Variants in FHIT observed in about 807,000 individuals in gnomAD.
FHIT encodes the protein fragile histidine triad diadenosine triphosphatase, also known as bis(5'-adenosyl)-triphosphatase.
FHIT carries 19 observed loss-of-function variants against 17.9 expected under a neutral mutation model. That is an observed-to-expected ratio of 1.06 (90% CI 0.74 to 1.56). The LOEUF is 1.56. FHIT is among the 40% of genes most tolerant of loss of function. The pLI, the probability that FHIT is intolerant of heterozygous loss-of-function variation, is 0.00. For missense variants in FHIT, 248 were observed against 189.2 expected (o/e 1.31, Z -1.82); for synonymous variants, 81 against 69.7 (o/e 1.16, Z -0.81).
At chr3:60,542,248 T>C (rs1490080576) in intron 4 of FHIT, among the ~76,000 whole-genome samples, 1 of 152,214 alleles carries the variant, frequency 6.6e-6, no homozygotes, top group Non-Finnish European at 1.5e-5. Flanking sequence ...TCTAGTGCTG[T>C]AGAGCTAGCT....
At chr3:60,554,422 T>C (rs539345179) in intron 4 of FHIT, among the ~76,000 whole-genome samples, 6 of 152,348 alleles carry the variant, frequency 3.9e-5, no homozygotes, top group African/African-American at 1.2e-4. Context: ...TACTATATTA[T>C]AGTCTCTATA....
At chr3:61,183,895 T>G (rs1267136530) in intron 2 of FHIT, among the ~76,000 whole-genome samples, 1 of 151,958 alleles carries the variant, frequency 6.6e-6, no homozygotes, top group African/African-American at 2.4e-5. Context: ...GGGCAACTGT[T>G]GTTCATAAAT....
At chr3:60,776,266 A>G (rs563012326) in intron 4 of FHIT, among the ~76,000 whole-genome samples, 45 of 152,266 alleles carry the variant, frequency 3.0e-4, no homozygotes, top group African/African-American at 1.0e-3. Flanking sequence ...GGCCCCACCC[A>G]GCAACTGGGT....
Position 60,634,501 on chromosome 3 carries a change from T to C in FHIT, c.-17-97522A>G, listed in dbSNP as rs535788608. Among the ~76,000 whole-genome samples, 120 of 152,280 alleles carry C rather than the reference T, an allele frequency of 7.9e-4. 1 individual carries two copies. Among genetic ancestry groups the C allele is most frequent in the African/African-American group, 2.8e-3 (115 of 41,568 alleles). On this transcript the variant is annotated intron_variant, in intron 4 of 9. Coordinates refer to ENST00000492590, the MANE Select transcript of FHIT (RefSeq NM_002012.4). ...CAGTGTTGGTAATCCCTCTCACATA[T>C]AAAAACTTTCATTACAGAGTGTTAA...
chr3:60,043,042 T>C (rs1283633053), intron 5 of FHIT, among the ~76,000 whole-genome samples: 2 of 152,196 alleles, frequency 1.3e-5, no homozygotes, highest in Non-Finnish European at 2.9e-5. Context: ...TCTCCTTTTA[T>C]GCCAGCCTTT....
At chr3:60,213,043 A>G (rs545791619) in intron 5 of FHIT, among the ~76,000 whole-genome samples, 1 of 152,266 alleles carries the variant, frequency 6.6e-6, no homozygotes, top group African/African-American at 2.4e-5. Flanking sequence ...CAAAGTACCT[A>G]GTACTTTATG....
At chr3:60,664,061 C>T (rs2040325018) in intron 4 of FHIT, among the ~76,000 whole-genome samples, 1 of 152,152 alleles carries the variant, frequency 6.6e-6, no homozygotes, top group Non-Finnish European at 1.5e-5. Flanking sequence ...GAGTGAACCT[C>T]CTGGCCTTGT....
chr3:60,765,446 G>A (rs1266137685), intron 4 of FHIT: 3 of 152,132 alleles, frequency 2.0e-5, no homozygotes, highest in South Asian at 2.1e-4. Context: ...AGGGGCCCAC[G>A]AGTGTTGACT....
intron 4 of FHIT, among the ~76,000 whole-genome samples, chr3:60,607,496 T>C (rs1466099663): frequency 6.6e-6 from 1 of 151,816 alleles, no homozygotes; most frequent in Admixed American, 6.6e-5. Context: ...TTGGGGTAAT[T>C]GGTGGTTATT....
At chr3:59,993,873 C>T (rs750366782) in intron 7 of FHIT, among the ~76,000 whole-genome samples, 4 of 152,026 alleles carry the variant, frequency 2.6e-5, no homozygotes, top group Admixed American at 6.6e-5. Flanking sequence ...GGCACCATAG[C>T]TACCTCACTC....
chr3:61,029,302 T>C (rs1302720013), intron 3 of FHIT, among the ~76,000 whole-genome samples: 1 of 152,180 alleles, frequency 6.6e-6, no homozygotes, highest in South Asian at 2.1e-4. Flanking sequence ...CACATGATAA[T>C]TAAGAACGAC....
intron 4 of FHIT, among the ~76,000 whole-genome samples, chr3:60,715,222 G>C (rs1442103680): frequency 2.0e-5 from 3 of 152,038 alleles, no homozygotes; most frequent in Admixed American, 2.0e-4. Flanking sequence ...TGGGAAAACT[G>C]GCTAGCCATA....
intron 4 of FHIT, among the ~76,000 whole-genome samples, chr3:60,799,431 C>T (rs1701106886): frequency 6.6e-6 from 1 of 152,258 alleles, no homozygotes; most frequent in South Asian, 2.1e-4. Context: ...GCCTCAGCCT[C>T]CCAAAGTGCT....
At position 61,202,449 on chromosome 3, in the gene FHIT, T is replaced by A. The variant is rs578113736; in HGVS notation, c.-212-1784A>T. Among the ~76,000 whole-genome samples the A allele has an allele frequency of 1.2e-3, 152 of 128,416 alleles. 3 individuals carry two copies. In the South Asian group the frequency reaches 0.041, roughly 34 times the overall value. 84.2% of individuals were successfully genotyped at this position (128,416 alleles called of 152,430 possible). On this transcript the variant is annotated intron_variant, in intron 1 of 9. Transcript: ENST00000492590. ...CCAAGTGTGAAGTGACAGCCTTGTG[T>A]GTGATCTTTTCTGTTCTTCCCCAAG...
intron 8 of FHIT, among the ~76,000 whole-genome samples, chr3:59,775,558 C>T: frequency 6.6e-6 from 1 of 151,782 alleles, no homozygotes; most frequent in East Asian, 1.9e-4. Flanking sequence ...ATATTATAAA[C>T]CAATTAAAAT....
chr3:60,814,194 A>C (rs1701660800), intron 4 of FHIT, among the ~76,000 whole-genome samples: 1 of 151,916 alleles, frequency 6.6e-6, no homozygotes, highest in Non-Finnish European at 1.5e-5. Flanking sequence ...ATCTGTTTTT[A>C]TGTGTTTATT....
At chr3:59,784,841 T>C (rs1172248482) in intron 8 of FHIT, among the ~76,000 whole-genome samples, 4 of 152,210 alleles carry the variant, frequency 2.6e-5, no homozygotes, top group African/African-American at 9.7e-5. Context: ...CTTTTACAGT[T>C]ACCTTTTGTA....
At chr3:59,752,639 G>C (rs1315324130) in intron 8 of FHIT, among the ~76,000 whole-genome samples, 1 of 152,140 alleles carries the variant, frequency 6.6e-6, no homozygotes, top group Admixed American at 6.5e-5. Context: ...GGTGGCAAGT[G>C]ACTGGACCAT....
chr3:60,516,018 G>C (rs1312745843), intron 5 of FHIT, among the ~76,000 whole-genome samples: 1 of 152,122 alleles, frequency 6.6e-6, no homozygotes, highest in Non-Finnish European at 1.5e-5. Context: ...TGATATAGTG[G>C]GGAAGGCGGG....
Sources: allele counts gnomAD v4.1 joint callset (sites outside exome capture counted in the v4.1 genomes callset), GRCh38; gene constraint gnomAD v4.1.1; transcripts MANE v1.5; gene names NCBI Gene and HGNC (gene_info 2026-07-23, HGNC 2026-07-21).